CNTN5: variants seen among roughly 807,000 people sequenced by gnomAD.
The protein encoded by CNTN5 is contactin 5.
In CNTN5, 77 loss-of-function variants were observed where a neutral mutation model predicts 129.1. That is an observed-to-expected ratio of 0.60 (90% CI 0.50 to 0.72). The LOEUF (loss-of-function observed/expected upper bound fraction) is 0.72, where lower values mean the gene tolerates loss of function less well. Ranked by LOEUF, CNTN5 falls within the 30% of genes least tolerant of loss-of-function variation. The pLI, the probability that CNTN5 is intolerant of heterozygous loss-of-function variation, is 0.00. For synonymous variants in CNTN5, 509 were observed against 465.6 expected, an observed-to-expected ratio of 1.09 and a Z score of -1.20; for missense variants, 1,478 against 1,328.8, an observed-to-expected ratio of 1.11 and a Z score of -1.75.
At chr11:100,264,148 GTGTT>G (rs1316313453) in intron 17 of CNTN5, among the ~76,000 whole-genome samples, 2 of 151,908 alleles carry the variant, frequency 1.3e-5, no homozygotes, top group African/African-American at 2.4e-5. Flanking sequence ...AATTATTTTT[GTGTT>G]TGTTTTAGAA....
chr11:99,718,367 A>C (rs78586021), intron 3 of CNTN5, among the ~76,000 whole-genome samples: 1 of 151,954 alleles, frequency 6.6e-6, no homozygotes, highest in African/African-American at 2.4e-5. Context: ...AATTTGTCTT[A>C]GCAGCAGCAT....
intron 3 of CNTN5, among the ~76,000 whole-genome samples, chr11:99,726,834 G>C (rs17676631): frequency 0.12 from 17,713 of 151,976 alleles, 1,129 homozygotes; most frequent in East Asian, 0.23. Flanking sequence ...TTTAAGTATA[G>C]TGCTTTTCCA....
At chr11:99,121,165 C>A (rs1400884256) in intron 1 of CNTN5, among the ~76,000 whole-genome samples, 2 of 143,572 alleles carry the variant, frequency 1.4e-5, no homozygotes, top group African/African-American at 5.2e-5. Flanking sequence ...GATCGAGTCT[C>A]ACTCTGTTGC....
At chr11:99,626,227 G>T (rs573597433) in intron 3 of CNTN5, among the ~76,000 whole-genome samples, 1 of 152,174 alleles carries the variant, frequency 6.6e-6, no homozygotes, top group Non-Finnish European at 1.5e-5. Context: ...TGGAAACATA[G>T]ATTTTCTGTA....
intron 1 of CNTN5, among the ~76,000 whole-genome samples, chr11:99,171,919 G>C (rs1030689830): frequency 9.9e-5 from 15 of 152,088 alleles, no homozygotes; most frequent in African/African-American, 3.6e-4. Context: ...AGGAGCAACG[G>C]AAAGTTACTT....
chr11:99,673,391 A>T (rs960063220), intron 3 of CNTN5, among the ~76,000 whole-genome samples: 1 of 152,202 alleles, frequency 6.6e-6, no homozygotes, highest in African/African-American at 2.4e-5. Flanking sequence ...CATGGTACGG[A>T]TTCAATGACT....
intron 23 of CNTN5, among the ~76,000 whole-genome samples, chr11:100,343,858 C>T (rs918567009): frequency 2.0e-5 from 3 of 152,000 alleles, no homozygotes; most frequent in African/African-American, 7.2e-5. Context: ...ACTATAATAG[C>T]GGGCCACCTC....
intron 8 of CNTN5, among the ~76,000 whole-genome samples, chr11:99,998,642 T>C (rs1332895096): frequency 7.8e-6 from 1 of 128,282 alleles, no homozygotes; most frequent in African/African-American, 2.9e-5. Context: ...CTTCACAGAA[T>C]TGGAAAAAAC....
intron 2 of CNTN5, among the ~76,000 whole-genome samples, chr11:99,335,398 A>G (rs1270984345): frequency 6.6e-6 from 1 of 152,034 alleles, no homozygotes; most frequent in Non-Finnish European, 1.5e-5. Flanking sequence ...AAAATTCTAG[A>G]CATTTTTTAT....
intron 3 of CNTN5, among the ~76,000 whole-genome samples, chr11:99,641,683 C>A (rs752317116): frequency 1.3e-5 from 2 of 152,120 alleles, no homozygotes; most frequent in Non-Finnish European, 1.5e-5. Flanking sequence ...CCAGCCATCA[C>A]AGGATCCATA....
At chr11:99,338,506 CT>C (rs907202324) in intron 2 of CNTN5, among the ~76,000 whole-genome samples, 5 of 151,986 alleles carry the variant, frequency 3.3e-5, no homozygotes, top group African/African-American at 4.8e-5. Flanking sequence ...TTGGGGATAA[CT>C]TTTTTTGTTG....
chr11:99,499,242 G>T (rs892744575), intron 2 of CNTN5, among the ~76,000 whole-genome samples: 1 of 152,054 alleles, frequency 6.6e-6, no homozygotes, highest in Admixed American at 6.6e-5. Flanking sequence ...TAACAAAAAT[G>T]TTATACCTAG....
At chr11:99,775,103 T>A (rs903552568) in intron 3 of CNTN5, among the ~76,000 whole-genome samples, 5 of 152,078 alleles carry the variant, frequency 3.3e-5, no homozygotes, top group Admixed American at 2.0e-4. Flanking sequence ...CAATCCAAAC[T>A]GATCATCATT....
At chr11:99,425,605 T>A (rs1943085471) in intron 2 of CNTN5, among the ~76,000 whole-genome samples, 1 of 152,224 alleles carries the variant, frequency 6.6e-6, no homozygotes, top group Admixed American at 6.5e-5. Context: ...CAGCCACAAC[T>A]TTGCTGTGCA....
At chr11:99,792,676 G>C (rs765383259) in intron 3 of CNTN5, among the ~76,000 whole-genome samples, 17 of 151,872 alleles carry the variant, frequency 1.1e-4, no homozygotes, top group Non-Finnish European at 2.1e-4. Flanking sequence ...ACCTTTTGGA[G>C]TAGTTTCATT....
At chr11:100,053,851 C>T (rs1943085518) in intron 9 of CNTN5, among the ~76,000 whole-genome samples, 1 of 151,712 alleles carries the variant, frequency 6.6e-6, no homozygotes, top group African/African-American at 2.4e-5. Context: ...GTAGCATATC[C>T]ATATATCGAT....
intron 15 of CNTN5, among the ~76,000 whole-genome samples, chr11:100,219,123 A>G (rs905653302): frequency 6.6e-6 from 1 of 152,166 alleles, no homozygotes; most frequent in Non-Finnish European, 1.5e-5. Flanking sequence ...TAACAGATCC[A>G]TCTCTCCCCA....
chr11:99,599,178 G>A (rs1454552833), intron 3 of CNTN5, among the ~76,000 whole-genome samples: 3 of 151,722 alleles, frequency 2.0e-5, no homozygotes, highest in Non-Finnish European at 4.4e-5. Flanking sequence ...GTTACTTGGA[G>A]GTGTTTTTTT....
intron 2 of CNTN5, among the ~76,000 whole-genome samples, chr11:99,441,610 T>C (rs1030456784): frequency 6.6e-6 from 1 of 152,182 alleles, no homozygotes; most frequent in Non-Finnish European, 1.5e-5. Flanking sequence ...TCATTGATGA[T>C]TGGATTTGGT....
Sources: gnomAD v4.1 joint callset for allele counts (sites outside exome capture counted in the v4.1 genomes callset) on GRCh38, gnomAD v4.1.1 for gene constraint, MANE v1.5 for transcripts, NCBI Gene and HGNC (gene_info 2026-07-23, HGNC 2026-07-21) for gene names.